Variants in DLG1 observed in about 807,000 individuals in gnomAD.
DLG1 encodes disks large homolog 1.
In DLG1, 42 loss-of-function variants were observed where a neutral mutation model predicts 123.4. The ratio of observed to expected loss-of-function variants is 0.34; its 90% CI spans 0.27 to 0.44. DLG1 has a LOEUF of 0.44. DLG1 is among the 20% of genes least tolerant of loss of function. The pLI is 1.00. For synonymous variants in DLG1, 317 were observed against 356.2 expected (o/e 0.89, Z 1.24); for missense variants, 942 against 1,082.6 (o/e 0.87, Z 1.82).
intron 2 of DLG1, 199 bp downstream of exon 2, chr3:197,296,986 GA>G: frequency 1.1e-5 from 7 of 612,384 alleles, no homozygotes; most frequent in Non-Finnish European, 2.0e-5. Flanking sequence ...TTAATCACTA[GA>G]GAAATGTTAA....
intron 8 of DLG1, 39 bp from the exon 9 acceptor site, chr3:197,138,430 A>T: frequency 9.2e-7 from 1 of 1,085,246 alleles, no homozygotes; most frequent in Non-Finnish European, 1.2e-6. Context: ...AAAATTAAAT[A>T]TAATTTAAAT....
chr3:197,059,880 T>TAC lies in DLG1; in HGVS notation c.2483+7_2483+8dup. On this transcript the variant is annotated intron_variant, in intron 23 of 24. Coordinates refer to ENST00000667157, the MANE Select transcript of DLG1 (RefSeq NM_001366207.1). ...ACACAGAGGCTATGCCTTAGGCATT[T>TAC]ACACTTACATGATATTTTCCATGGA... 2 of 1,592,200 alleles carry TAC rather than the reference T, an allele frequency of 1.3e-6. No individual in the cohort carries two copies. The highest frequency in any genetic ancestry group is 1.7e-6 in the Non-Finnish European group (2 of 1,160,460).
chr3:197,205,438 C>T (rs963594044), intron 4 of DLG1, among the ~76,000 whole-genome samples: 2 of 152,078 alleles, frequency 1.3e-5, no homozygotes, highest in Non-Finnish European at 2.9e-5. Flanking sequence ...CAAAATATTA[C>T]AACCCAAGTA....
intron 6 of DLG1, among the ~76,000 whole-genome samples, chr3:197,146,508 C>T (rs1304868371): frequency 6.6e-6 from 1 of 152,094 alleles, no homozygotes; most frequent in Non-Finnish European, 1.5e-5. Context: ...TACTTACAGC[C>T]ACCTGATCTT....
At chr3:197,163,229 G>T (rs1799550422) in intron 5 of DLG1, among the ~76,000 whole-genome samples, 1 of 152,196 alleles carries the variant, frequency 6.6e-6, no homozygotes, top group Non-Finnish European at 1.5e-5. Context: ...AGGATGTGGA[G>T]AAACTGGAAC....
chr3:197,168,528 C>G (rs1196089653), intron 5 of DLG1, among the ~76,000 whole-genome samples: 5 of 152,136 alleles, frequency 3.3e-5, no homozygotes, highest in Admixed American at 6.5e-5. Flanking sequence ...GGGTAAAACT[C>G]CGGGGAGCTG....
intron 13 of DLG1, among the ~76,000 whole-genome samples, chr3:197,112,403 G>A (rs1770576742): frequency 6.6e-6 from 1 of 152,094 alleles, no homozygotes; most frequent in African/African-American, 2.4e-5. Flanking sequence ...CTTTTCATGT[G>A]CTTACTGGCC....
rs187236710 is a variant in DLG1 at position 197,226,044 on chromosome 3, A to T, written c.319-31455T>A. The T allele has an allele frequency of 3.3e-5, 5 of 152,684 alleles. No individual in the cohort carries two copies. The East Asian group carries it at 9.6e-4, about 29-fold the overall frequency. 9.5% of individuals were successfully genotyped at this position (152,684 alleles called of 1,614,324 possible). On this transcript the variant is annotated intron_variant, in intron 4 of 24. Transcript: ENST00000667157. Reference sequence around the variant, plus strand: ...TGCATGTTGTTTGCTGACTGTCTTGAACATTTAATCTAGATCCAAAGCATT... The same window carrying T: ...TGCATGTTGTTTGCTGACTGTCTTGTACATTTAATCTAGATCCAAAGCATT...
intron 22 of DLG1, among the ~76,000 whole-genome samples, chr3:197,061,148 C>T (rs1735489859): frequency 6.6e-6 from 1 of 152,178 alleles, no homozygotes; most frequent in Non-Finnish European, 1.5e-5. Flanking sequence ...CAAGTCAATA[C>T]ATGATAATTT....
rs1007693658 is a variant in DLG1 at position 197,043,600 on chromosome 3, C to A, written c.*1023G>T. ...ATATATATATATGTTTGTGTGTGTG[C>A]GCAACTATGTAAAGAAAATAATTCC... is the stretch of plus-strand genomic sequence containing the variant. On this transcript the variant is annotated 3_prime_UTR_variant, in exon 25 of 25. Transcript: ENST00000667157. 6.6e-6 allele frequency: 1 copy of A among 150,738 alleles called. No homozygotes were observed. Among genetic ancestry groups the A allele is most frequent in the African/African-American group, 2.4e-5 (1 of 41,082 alleles). 9.3% of individuals were successfully genotyped at this position (150,738 alleles called of 1,614,324 possible).
chr3:197,080,604 A>G (rs762109740), intron 17 of DLG1: 23 of 153,996 alleles, frequency 1.5e-4, no homozygotes, highest in Non-Finnish European at 2.4e-4. Context: ...TGGGATTACA[A>G]ATGCCCGCCA....
intron 15 of DLG1, among the ~76,000 whole-genome samples, chr3:197,086,337 G>T (rs1409316935): frequency 6.6e-6 from 1 of 152,146 alleles, no homozygotes; most frequent in Non-Finnish European, 1.5e-5. Flanking sequence ...ATTTAATACG[G>T]TAATTGCAAA....
intron 7 of DLG1, among the ~76,000 whole-genome samples, chr3:197,141,454 AT>A (rs1413693114): frequency 6.6e-6 from 1 of 152,252 alleles, no homozygotes; most frequent in Non-Finnish European, 1.5e-5. Context: ...TTACTTGAAT[AT>A]TACTCCAGTA....
chr3:197,131,322 T>TA (rs1782327639), intron 10 of DLG1, among the ~76,000 whole-genome samples: 2 of 152,168 alleles, frequency 1.3e-5, no homozygotes, highest in Admixed American at 6.5e-5. Flanking sequence ...TCAACTAATT[T>TA]AAAAAATCTG....
intron 15 of DLG1, 94 bp from the exon 16 acceptor site, chr3:197,085,850 A>C: frequency 3.3e-6 from 4 of 1,196,906 alleles, no homozygotes; most frequent in African/African-American, 1.5e-5. Context: ...TGGGTAATTA[A>C]ATATATCATA....
chr3:197,100,224 C>G (rs1353843682), intron 14 of DLG1, among the ~76,000 whole-genome samples: 1 of 152,192 alleles, frequency 6.6e-6, no homozygotes, highest in Non-Finnish European at 1.5e-5. Flanking sequence ...CAGATTATCT[C>G]CACCTCTTCT....
chr3:197,078,145 CAAA>C (rs34391299), intron 17 of DLG1, among the ~76,000 whole-genome samples: 43 of 119,630 alleles, frequency 3.6e-4, no homozygotes, highest in Admixed American at 4.3e-4. Context: ...AACCCCATCT[CAAA>C]AAAAAAAAAA....
chr3:197,297,318 A>G, intron 1 of DLG1, 83 bp from the exon 2 acceptor site: 1 of 1,547,292 alleles, frequency 6.5e-7, no homozygotes, highest in Non-Finnish European at 8.7e-7. Flanking sequence ...AAACCCTCGC[A>G]GCCTATTTGA....
intron 16 of DLG1, among the ~76,000 whole-genome samples, chr3:197,084,320 T>G (rs1029399133): frequency 1.3e-5 from 2 of 151,684 alleles, no homozygotes; most frequent in African/African-American, 4.8e-5. Flanking sequence ...TTTGTTGTTT[T>G]TTTTTTTTTG....
Sources: allele counts gnomAD v4.1 joint callset (sites outside exome capture counted in the v4.1 genomes callset), GRCh38; gene constraint gnomAD v4.1.1; transcripts MANE v1.5; gene names NCBI Gene and HGNC (gene_info 2026-07-23, HGNC 2026-07-21).